The following FHIT variants were observed in gnomAD, a reference collection of about 807,000 sequenced individuals.
FHIT encodes the protein fragile histidine triad diadenosine triphosphatase.
A neutral mutation model predicts 17.9 loss-of-function variants in FHIT; 19 were observed. That is an observed-to-expected ratio of 1.06 (90% CI 0.74 to 1.56). The LOEUF (loss-of-function observed/expected upper bound fraction) is 1.56, where lower values mean the gene tolerates loss of function less well. Ranked by LOEUF, FHIT falls within the 40% of genes most tolerant of loss-of-function variation. The probability of loss-of-function intolerance (pLI) is 0.00; values close to 1 mark genes in which losing one functional copy is unlikely to be tolerated. For synonymous variants in FHIT, 81 were observed against 69.7 expected, an observed-to-expected ratio of 1.16 and a Z score of -0.81; for missense variants, 248 against 189.2, an observed-to-expected ratio of 1.31 and a Z score of -1.82.
At chr3:60,831,844 G>C (rs1553742610) in intron 3 of FHIT, among the ~76,000 whole-genome samples, 2 of 152,030 alleles carry the variant, frequency 1.3e-5, no homozygotes, top group Non-Finnish European at 2.9e-5. Context: ...CTGCAGAATA[G>C]TTCAGAAACC....
chr3:60,861,195 CATATATGATATATATGATATATATGATAT>C (rs1703822263), intron 3 of FHIT, among the ~76,000 whole-genome samples: 1 of 1,482 alleles, frequency 6.7e-4, no homozygotes, highest in South Asian at 0.026. Context: ...TGATATATAT[CATATATGATATATATGATATATATGATAT>C]ATATGATATA....
chr3:60,342,417 A>G (rs1576505053), intron 5 of FHIT, among the ~76,000 whole-genome samples: 1 of 152,246 alleles, frequency 6.6e-6, no homozygotes, highest in Non-Finnish European at 1.5e-5. Context: ...TTTGGACACC[A>G]AATTCTGATT....
intron 5 of FHIT, among the ~76,000 whole-genome samples, chr3:60,282,429 C>G (rs1312244415): frequency 6.6e-6 from 1 of 152,106 alleles, no homozygotes; most frequent in African/African-American, 2.4e-5. Context: ...TTACTAGTTA[C>G]CAGGGATCCA....
At chr3:59,949,578 A>T (rs1233325996) in intron 7 of FHIT, among the ~76,000 whole-genome samples, 1 of 152,252 alleles carries the variant, frequency 6.6e-6, no homozygotes, top group East Asian at 1.9e-4. Flanking sequence ...AACTAATTAC[A>T]AAAAGAAATA....
intron 5 of FHIT, among the ~76,000 whole-genome samples, chr3:60,261,737 A>C (rs73099460): frequency 9.5e-4 from 145 of 151,916 alleles, no homozygotes; most frequent in Non-Finnish European, 1.7e-3. Flanking sequence ...GAAACAGCAG[A>C]AGCAAGAAGG....
At chr3:61,178,074 A>C (rs2038212239) in intron 2 of FHIT, among the ~76,000 whole-genome samples, 1 of 152,236 alleles carries the variant, frequency 6.6e-6, no homozygotes, top group Admixed American at 6.5e-5. Flanking sequence ...AAGTTTAAGA[A>C]AGAATTCTTC....
chr3:60,368,209 A>G (rs1054535612), intron 5 of FHIT, among the ~76,000 whole-genome samples: 49 of 151,416 alleles, frequency 3.2e-4, no homozygotes, highest in African/African-American at 1.1e-3. Context: ...AAAAAAAAAA[A>G]AAAGAAACTG....
intron 8 of FHIT, among the ~76,000 whole-genome samples, chr3:59,817,759 C>G (rs565175676): frequency 3.3e-4 from 50 of 152,038 alleles, no homozygotes; most frequent in Non-Finnish European, 6.5e-4. Flanking sequence ...CAACAGTTAT[C>G]TCTCCAATCC....
At chr3:59,844,379 G>C (rs1484815104) in intron 8 of FHIT, among the ~76,000 whole-genome samples, 1 of 152,084 alleles carries the variant, frequency 6.6e-6, no homozygotes, top group Non-Finnish European at 1.5e-5. Flanking sequence ...CTTGATCATA[G>C]AGGCAAATCT....
At chr3:60,479,390 C>T (rs553276508) in intron 5 of FHIT, among the ~76,000 whole-genome samples, 34 of 152,092 alleles carry the variant, frequency 2.2e-4, no homozygotes, top group Non-Finnish European at 4.0e-4. Flanking sequence ...TCATGCACCA[C>T]GTAATGACAT....
At chr3:60,868,646 T>C (rs1197505139) in intron 3 of FHIT, among the ~76,000 whole-genome samples, 3 of 152,180 alleles carry the variant, frequency 2.0e-5, no homozygotes, top group African/African-American at 7.2e-5. Flanking sequence ...TATTTCTGAA[T>C]GAGTAGTAAA....
chr3:59,795,720 C>T (rs1699751302), intron 8 of FHIT, among the ~76,000 whole-genome samples: 1 of 152,068 alleles, frequency 6.6e-6, no homozygotes. Flanking sequence ...GAGCAAAACC[C>T]GGTCTCAAAA....
intron 2 of FHIT, among the ~76,000 whole-genome samples, chr3:61,050,182 C>T (rs573651236): frequency 9.2e-5 from 14 of 152,200 alleles, no homozygotes; most frequent in African/African-American, 2.4e-4. Context: ...TTTGTTATAG[C>T]GGCTTCCATC....
chr3:60,168,233 C>T (rs1018982485), intron 5 of FHIT, among the ~76,000 whole-genome samples: 3 of 152,154 alleles, frequency 2.0e-5, no homozygotes, highest in East Asian at 1.9e-4. Context: ...GACCGACAGA[C>T]TTCATCCCTC....
intron 3 of FHIT, among the ~76,000 whole-genome samples, chr3:60,907,343 G>A (rs572083663): frequency 1.1e-4 from 17 of 152,188 alleles, no homozygotes; most frequent in Non-Finnish European, 2.1e-4. Context: ...TCACTGGGTC[G>A]GAATCTTCAA....
At chr3:60,336,750 T>C (rs753796194) in intron 5 of FHIT, among the ~76,000 whole-genome samples, 19 of 152,138 alleles carry the variant, frequency 1.2e-4, no homozygotes, top group African/African-American at 2.9e-4. Context: ...TTAGACAGCA[T>C]TGAATTAGAT....
intron 5 of FHIT, among the ~76,000 whole-genome samples, chr3:60,148,642 A>T (rs141313003): frequency 6.6e-6 from 1 of 152,276 alleles, no homozygotes; most frequent in East Asian, 1.9e-4. Flanking sequence ...GTTACACCAC[A>T]CCGTAGTTAA....
At chr3:60,771,029 A>T (rs1192576107) in intron 4 of FHIT, among the ~76,000 whole-genome samples, 1 of 152,236 alleles carries the variant, frequency 6.6e-6, no homozygotes, top group Admixed American at 6.5e-5. Context: ...TTTCTGTGGA[A>T]TCTGCAACCT....
At chr3:60,854,826 G>C (rs1449257884) in intron 3 of FHIT, among the ~76,000 whole-genome samples, 1 of 152,142 alleles carries the variant, frequency 6.6e-6, no homozygotes, top group African/African-American at 2.4e-5. Flanking sequence ...GATATGAGCT[G>C]AGCATTGCTG....
Sources: allele counts gnomAD v4.1 joint callset (sites outside exome capture counted in the v4.1 genomes callset), GRCh38; gene constraint gnomAD v4.1.1; transcripts MANE v1.5; gene names NCBI Gene and HGNC (gene_info 2026-07-23, HGNC 2026-07-21).